EDIL3: variants seen among roughly 807,000 people sequenced by gnomAD.
The protein encoded by EDIL3 is EGF like and discoidin domains 3, also known as EGF-like repeat and discoidin I-like domain-containing protein 3.
EDIL3 carries 37 observed loss-of-function variants against 67.4 expected under a neutral mutation model. That is an observed-to-expected ratio of 0.55 (90% confidence interval 0.42 to 0.72). The LOEUF is 0.72. Ranked by LOEUF, EDIL3 falls within the 30% of genes least tolerant of loss-of-function variation. EDIL3 has a pLI of 0.00. For missense variants in EDIL3, 527 were observed against 586.3 expected, an observed-to-expected ratio of 0.90 and a Z score of 1.04; for synonymous variants, 195 against 196.3, an observed-to-expected ratio of 0.99 and a Z score of 0.05.
intron 1 of EDIL3, among the ~76,000 whole-genome samples, chr5:84,311,578 T>TA (rs1561253413): frequency 1.4e-4 from 22 of 152,038 alleles, no homozygotes; most frequent in African/African-American, 4.6e-4. Context: ...ATTTTTTTTT[T>TA]ATTGATCATT....
chr5:84,231,000 ACC>A (rs1744566567), intron 2 of EDIL3, among the ~76,000 whole-genome samples: 1 of 152,184 alleles, frequency 6.6e-6, no homozygotes, highest in South Asian at 2.1e-4. Flanking sequence ...GGTAGTGGTT[ACC>A]AACCCTGTAA....
chr5:84,346,029 G>A (rs1175201738), intron 1 of EDIL3, among the ~76,000 whole-genome samples: 1 of 151,412 alleles, frequency 6.6e-6, no homozygotes, highest in Non-Finnish European at 1.5e-5. Flanking sequence ...TTTAAAAACT[G>A]ATGCTTATAT....
intron 9 of EDIL3, among the ~76,000 whole-genome samples, chr5:84,038,770 C>G (rs902872342): frequency 6.6e-6 from 1 of 152,204 alleles, no homozygotes; most frequent in Admixed American, 6.5e-5. Flanking sequence ...GCTAGGGACA[C>G]AAAGTGTCCT....
intron 6 of EDIL3, among the ~76,000 whole-genome samples, chr5:84,089,514 G>A (rs1224732840): frequency 6.6e-6 from 1 of 152,064 alleles, no homozygotes; most frequent in Non-Finnish European, 1.5e-5. Context: ...TTGCTCATAG[G>A]TTCCCCTCTC....
At chr5:84,211,251 A>G (rs570249071) in intron 3 of EDIL3, among the ~76,000 whole-genome samples, 170 of 152,230 alleles carry the variant, frequency 1.1e-3, no homozygotes, top group Non-Finnish European at 1.9e-3. Flanking sequence ...CCTCACTATT[A>G]GTATCCGGGA....
chr5:83,985,183 C>T (rs908128062), intron 9 of EDIL3, among the ~76,000 whole-genome samples: 4 of 147,562 alleles, frequency 2.7e-5, no homozygotes, highest in Non-Finnish European at 6.0e-5. Context: ...TATTTCCTTG[C>T]AAATTGATTA....
At chr5:84,067,158 C>G (rs1434948740) in intron 6 of EDIL3, among the ~76,000 whole-genome samples, 1 of 152,116 alleles carries the variant, frequency 6.6e-6, no homozygotes, top group Non-Finnish European at 1.5e-5. Flanking sequence ...ACACTGTAGT[C>G]TGTGGAGCAT....
intron 1 of EDIL3, among the ~76,000 whole-genome samples, chr5:84,312,520 C>G (rs1435311593): frequency 2.8e-5 from 4 of 144,842 alleles, no homozygotes; most frequent in East Asian, 2.1e-4. Context: ...CTGACCCCCC[C>G]ACCTCCCTCC....
At chr5:84,320,182 C>CA (rs566790789) in intron 1 of EDIL3, among the ~76,000 whole-genome samples, 84 of 151,498 alleles carry the variant, frequency 5.5e-4, no homozygotes, top group Non-Finnish European at 1.0e-3. Flanking sequence ...ACCCCTCCCC[C>CA]AAAAAAAATG....
intron 6 of EDIL3, among the ~76,000 whole-genome samples, chr5:84,075,116 G>A (rs183686977): frequency 2.4e-4 from 37 of 151,678 alleles, no homozygotes; most frequent in African/African-American, 6.8e-4. Flanking sequence ...ACCAAACACC[G>A]CATGTTCTCA....
intron 2 of EDIL3, among the ~76,000 whole-genome samples, chr5:84,238,718 T>C (rs925824118): frequency 4.0e-5 from 5 of 123,686 alleles, no homozygotes; most frequent in Non-Finnish European, 6.4e-5. Flanking sequence ...AGGAAAATAG[T>C]GTATCCACAT....
At chr5:84,365,905 A>G (rs1481991102) in intron 1 of EDIL3, among the ~76,000 whole-genome samples, 1 of 152,182 alleles carries the variant, frequency 6.6e-6, no homozygotes, top group African/African-American at 2.4e-5. Context: ...CAGCTCTATT[A>G]GATTGCTATT....
At chr5:84,156,207 C>T (rs1289094960) in intron 4 of EDIL3, among the ~76,000 whole-genome samples, 1 of 152,120 alleles carries the variant, frequency 6.6e-6, no homozygotes, top group Non-Finnish European at 1.5e-5. Context: ...GGAAATCATG[C>T]TTTATATGAA....
intron 10 of EDIL3, among the ~76,000 whole-genome samples, chr5:83,951,118 G>T (rs1373203534): frequency 6.6e-6 from 1 of 151,594 alleles, no homozygotes; most frequent in African/African-American, 2.4e-5. Context: ...TCTAATTATA[G>T]AACATTTTTG....
intron 9 of EDIL3, among the ~76,000 whole-genome samples, chr5:84,000,992 G>C (rs1190590860): frequency 2.0e-5 from 3 of 151,934 alleles, no homozygotes; most frequent in Middle Eastern, 3.2e-3. Flanking sequence ...GTGGTACTAA[G>C]AGGAAAGTTT....
intron 1 of EDIL3, among the ~76,000 whole-genome samples, chr5:84,280,593 T>C (rs1486057402): frequency 2.6e-5 from 4 of 152,186 alleles, no homozygotes; most frequent in South Asian, 4.1e-4. Context: ...GTCTTTGTCA[T>C]AGACTAGTTT....
chr5:84,075,948 TA>T (rs1446561236), intron 6 of EDIL3, among the ~76,000 whole-genome samples: 15 of 53,552 alleles, frequency 2.8e-4, no homozygotes, highest in African/African-American at 1.3e-3. Flanking sequence ...TTGTGGGTTT[TA>T]TATATATATA....
intron 4 of EDIL3, among the ~76,000 whole-genome samples, chr5:84,139,012 G>A (rs1156701051): frequency 1.3e-5 from 2 of 152,172 alleles, no homozygotes; most frequent in East Asian, 1.9e-4. Context: ...GGCCAAGGCG[G>A]GTGGATCACA....
At chr5:84,033,374 A>C (rs16900848) in intron 9 of EDIL3, among the ~76,000 whole-genome samples, 3,791 of 152,216 alleles carry the variant, frequency 0.025, 158 homozygotes, top group African/African-American at 0.085. Context: ...GTAACTTCAA[A>C]ATTGTTCTAG....
Sources: allele counts gnomAD v4.1 joint callset (sites outside exome capture counted in the v4.1 genomes callset), GRCh38; gene constraint gnomAD v4.1.1; transcripts MANE v1.5; gene names NCBI Gene and HGNC (gene_info 2026-07-23, HGNC 2026-07-21).